The following ARHGAP15 variants were observed in gnomAD, a reference collection of about 807,000 sequenced individuals.
ARHGAP15 encodes the protein rho GTPase-activating protein 15.
A neutral mutation model predicts 63.7 loss-of-function variants in ARHGAP15; 51 were observed. The ratio of observed to expected loss-of-function variants is 0.80; its 90% CI spans 0.64 to 1.01. The LOEUF (loss-of-function observed/expected upper bound fraction) is 1.01, where lower values mean the gene tolerates loss of function less well. ARHGAP15 is among the 50% of genes least tolerant of loss of function. The pLI, the probability that ARHGAP15 is intolerant of heterozygous loss-of-function variation, is 0.00. For synonymous variants in ARHGAP15, 191 were observed against 193.8 expected, an observed-to-expected ratio of 0.99 and a Z score of 0.12; for missense variants, 560 against 564.6, an observed-to-expected ratio of 0.99 and a Z score of 0.08.
chr2:143,376,441 G>C (rs79123088), intron 6 of ARHGAP15, among the ~76,000 whole-genome samples: 3 of 152,246 alleles, frequency 2.0e-5, no homozygotes, highest in Middle Eastern at 3.4e-3. Flanking sequence ...TCTGGCTTGC[G>C]TAAGGTTGGT....
rs537618622 is a variant in ARHGAP15, at chr2:143,276,391, A to G, written c.474+25791A>G. Among the ~76,000 whole-genome samples the G allele has an allele frequency of 9.8e-5, 15 of 152,338 alleles. 1 individual carries two copies. The South Asian group carries it at 1.9e-3, about 19-fold the overall frequency. On this transcript the variant is annotated intron_variant, in intron 6 of 13. Transcript: ENST00000295095. ...GATTAGTTACTTTCCCCTATTTCATAAAGCTCTTATGGCAAAATCAGGGTT... is the reference window on the plus strand; with the variant it reads ...GATTAGTTACTTTCCCCTATTTCATGAAGCTCTTATGGCAAAATCAGGGTT...
chr2:143,414,361 A>G (rs1411225644), intron 6 of ARHGAP15, among the ~76,000 whole-genome samples: 2 of 152,010 alleles, frequency 1.3e-5, no homozygotes, highest in East Asian at 3.9e-4. Context: ...ATTATACTGG[A>G]GATAAGAAAA....
intron 6 of ARHGAP15, among the ~76,000 whole-genome samples, chr2:143,288,257 TACAC>T (rs1242521543): frequency 6.6e-6 from 1 of 152,152 alleles, no homozygotes; most frequent in African/African-American, 2.4e-5. Context: ...GTGCACATCC[TACAC>T]TTCCGAATGC....
chr2:143,695,752 C>T (rs1384575324), intron 12 of ARHGAP15, among the ~76,000 whole-genome samples: 1 of 151,902 alleles, frequency 6.6e-6, no homozygotes, highest in South Asian at 2.1e-4. Flanking sequence ...CCTGTAGTCC[C>T]AGCTACTTGG....
intron 3 of ARHGAP15, 49 bp from the exon 4 acceptor site, chr2:143,216,335 C>A (rs370963387): frequency 7.3e-7 from 1 of 1,371,500 alleles, no homozygotes; most frequent in South Asian, 1.2e-5. Context: ...TTCAAATCAA[C>A]AATGCATAGT....
chr2:143,391,506 G>A (rs1687536847), intron 6 of ARHGAP15, among the ~76,000 whole-genome samples: 1 of 152,060 alleles, frequency 6.6e-6, no homozygotes, highest in Admixed American at 6.6e-5. Flanking sequence ...TGGTTTTGGG[G>A]AGCCTGCCTT....
chr2:143,301,555 T>C (rs532350927), intron 6 of ARHGAP15, among the ~76,000 whole-genome samples: 4 of 152,062 alleles, frequency 2.6e-5, no homozygotes, highest in South Asian at 2.1e-4. Flanking sequence ...CTTTAAAATA[T>C]CTTCATAGAG....
intron 12 of ARHGAP15, among the ~76,000 whole-genome samples, chr2:143,687,679 T>C: frequency 6.6e-6 from 1 of 152,206 alleles, no homozygotes; most frequent in South Asian, 2.1e-4. Flanking sequence ...CTGAAGTGAT[T>C]TGATCTGTGC....
In ARHGAP15 at chr2:143,228,674, T is replaced by C. The variant is rs758347634; in HGVS notation, c.384+6T>C. On this transcript the variant is annotated splice_donor_region_variant and intron_variant, in intron 5 of 13. Coordinates refer to ENST00000295095, the MANE Select transcript of ARHGAP15 (RefSeq NM_018460.4). ...AACAGGCTCTGTCCAATATGGTAAG[T>C]AATTCTCTGTTTCTATTGTTAAATA... The C allele has an allele frequency of 6.5e-7, 1 of 1,527,550 alleles. No individual in the cohort carries two copies. Among genetic ancestry groups the C allele is most frequent in the East Asian group, 2.4e-5 (1 of 41,958 alleles). The allele number at this position is 1,527,550 out of a possible 1,614,324, so 94.6% of individuals were successfully genotyped here. A position where few individuals can be genotyped will look rare whatever the true frequency, so the allele number is the denominator to read the frequency against.
At chr2:143,232,837 T>C (rs1480848129) in intron 5 of ARHGAP15, among the ~76,000 whole-genome samples, 1 of 152,208 alleles carries the variant, frequency 6.6e-6, no homozygotes, top group African/African-American at 2.4e-5. Context: ...ATGTTTCTTT[T>C]GTTTCTTGCT....
intron 2 of ARHGAP15, among the ~76,000 whole-genome samples, chr2:143,195,872 A>G (rs1009110567): frequency 6.6e-6 from 1 of 152,108 alleles, no homozygotes; most frequent in Non-Finnish European, 1.5e-5. Flanking sequence ...TTCATAGTAG[A>G]CCCTCCTACA....
chr2:143,276,720 G>T (rs543731728), intron 6 of ARHGAP15, among the ~76,000 whole-genome samples: 3 of 152,216 alleles, frequency 2.0e-5, no homozygotes, highest in Non-Finnish European at 4.4e-5. Flanking sequence ...GATGACATGA[G>T]CCCAAGAGTT....
intron 6 of ARHGAP15, among the ~76,000 whole-genome samples, chr2:143,336,233 A>G (rs1684766346): frequency 6.6e-6 from 1 of 152,066 alleles, no homozygotes; most frequent in Non-Finnish European, 1.5e-5. Context: ...CCAGCTTGTA[A>G]ATGTTATGCC....
At chr2:143,598,070 G>A (rs774637973) in intron 11 of ARHGAP15, 10 of 152,082 alleles carry the variant, frequency 6.6e-5, no homozygotes, top group Non-Finnish European at 1.2e-4. Flanking sequence ...TTCCAACACT[G>A]TTGCATTGAG....
intron 6 of ARHGAP15, among the ~76,000 whole-genome samples, chr2:143,395,903 C>T (rs1234043705): frequency 1.3e-5 from 2 of 151,808 alleles, no homozygotes; most frequent in African/African-American, 4.8e-5. Context: ...ATGGTTTTGG[C>T]AAGCAGAGAC....
In ARHGAP15 at chr2:143,605,858, C is replaced by CAAAAAAAAAAAAAAAA. The variant is rs373847590; in HGVS notation, c.1004-18262_1004-18247dup. On this transcript the variant is annotated intron_variant, in intron 11 of 13. Coordinates refer to ENST00000295095, the MANE Select transcript of ARHGAP15 (RefSeq NM_018460.4). ...GTGAAACCCTGTCTCTACTAAAATA[C>CAAAAAAAAAAAAAAAA]AAAAAAAAAAAAAAAAAAAAAAAAA... Among the ~76,000 whole-genome samples, 46 of 85,298 alleles carry CAAAAAAAAAAAAAAAA rather than the reference C, an allele frequency of 5.4e-4. 1 individual carries two copies. Among genetic ancestry groups the CAAAAAAAAAAAAAAAA allele is most frequent in the East Asian group, 1.0e-3 (3 of 2,870 alleles). 56.0% of individuals were successfully genotyped at this position (85,298 alleles called of 152,430 possible).
chr2:143,555,915 T>C (rs186226805), intron 10 of ARHGAP15, among the ~76,000 whole-genome samples: 4 of 99,906 alleles, frequency 4.0e-5, no homozygotes, highest in Non-Finnish European at 8.3e-5. Context: ...TAGAATAGAA[T>C]AGAATAGAAT....
At chr2:143,609,848 G>C (rs1698185779) in intron 11 of ARHGAP15, among the ~76,000 whole-genome samples, 1 of 152,114 alleles carries the variant, frequency 6.6e-6, no homozygotes, top group African/African-American at 2.4e-5. Flanking sequence ...GACTGTGAAT[G>C]CTTAATCCCT....
chr2:143,296,988 T>G (rs1373985536), intron 6 of ARHGAP15, among the ~76,000 whole-genome samples: 1 of 152,104 alleles, frequency 6.6e-6, no homozygotes, highest in African/African-American at 2.4e-5. Flanking sequence ...GGTTATATGC[T>G]TATTTGTATT....
Sources: gnomAD v4.1 joint callset for allele counts (sites outside exome capture counted in the v4.1 genomes callset) on GRCh38, gnomAD v4.1.1 for gene constraint, MANE v1.5 for transcripts, NCBI Gene and HGNC (gene_info 2026-07-23, HGNC 2026-07-21) for gene names.